TSEN15: variants seen among roughly 807,000 people sequenced by gnomAD.
The protein encoded by TSEN15 is tRNA splicing endonuclease subunit 15.
A neutral mutation model predicts 20.5 loss-of-function variants in TSEN15; 10 were observed. The ratio of observed to expected loss-of-function variants is 0.49; its 90% CI spans 0.30 to 0.83. The LOEUF (loss-of-function observed/expected upper bound fraction) is 0.83, where lower values mean the gene tolerates loss of function less well. Ranked by LOEUF, TSEN15 falls within the 40% of genes least tolerant of loss-of-function variation. TSEN15 has a pLI of 0.06. For synonymous variants in TSEN15, 72 were observed against 80.1 expected (o/e 0.90, Z 0.54); for missense variants, 180 against 218.6 (o/e 0.82, Z 1.11).
intron 3 of TSEN15, among the ~76,000 whole-genome samples, chr1:184,081,841 C>G (rs542412101): frequency 6.6e-6 from 1 of 152,202 alleles, no homozygotes; most frequent in African/African-American, 2.4e-5. Context: ...GAAAGAAGAT[C>G]TTGTATGGAT....
At chr1:184,088,011 C>T (rs559526496) in intron 3 of TSEN15, among the ~76,000 whole-genome samples, 3 of 152,176 alleles carry the variant, frequency 2.0e-5, no homozygotes, top group South Asian at 2.1e-4. Context: ...CACAAGGCTT[C>T]GTAATTTTAT....
chr1:184,090,460 T>C (rs546555182), intron 3 of TSEN15, among the ~76,000 whole-genome samples: 1 of 152,346 alleles, frequency 6.6e-6, no homozygotes, highest in South Asian at 2.1e-4. Flanking sequence ...GTGCATATTC[T>C]TTCATGTAAA....
chr1:184,072,439 G>A, intron 4 of TSEN15, 141 bp downstream of exon 4: 1 of 807,700 alleles, frequency 1.2e-6, no homozygotes, highest in South Asian at 2.5e-5. Flanking sequence ...TTGATTTTCA[G>A]ACGTCAGAAA....
At chr1:184,092,414 A>G (rs1651376749) in intron 3 of TSEN15, among the ~76,000 whole-genome samples, 1 of 152,222 alleles carries the variant, frequency 6.6e-6, no homozygotes, top group South Asian at 2.1e-4. Context: ...AACTTAGTAG[A>G]AAAGAGAAAA....
chr1:184,062,457 G>A (rs568088366), intron 3 of TSEN15, among the ~76,000 whole-genome samples: 2 of 152,188 alleles, frequency 1.3e-5, no homozygotes, highest in East Asian at 3.9e-4. Flanking sequence ...ACTAAAACTA[G>A]TGACCTATCT....
intron 3 of TSEN15, among the ~76,000 whole-genome samples, chr1:184,057,414 G>A (rs1331337363): frequency 6.6e-6 from 1 of 152,092 alleles, no homozygotes; most frequent in East Asian, 1.9e-4. Context: ...CATGAATACC[G>A]TTGATGAATA....
chr1:184,071,243 T>C (rs1650871782), intron 3 of TSEN15: 1 of 151,986 alleles, frequency 6.6e-6, no homozygotes, highest in Non-Finnish European at 1.5e-5. Context: ...CGTTAAGAAG[T>C]AACTTATATG....
At chr1:184,081,821 C>G (rs1651174239) in intron 3 of TSEN15, among the ~76,000 whole-genome samples, 1 of 152,102 alleles carries the variant, frequency 6.6e-6, no homozygotes, top group Admixed American at 6.6e-5. Flanking sequence ...GGCTCGGGTT[C>G]TGGAGATCAG....
intron 3 of TSEN15, among the ~76,000 whole-genome samples, chr1:184,057,881 G>A (rs184971031): frequency 1.5e-4 from 23 of 151,982 alleles, no homozygotes; most frequent in Non-Finnish European, 2.9e-4. Context: ...AGTACTTTCC[G>A]GTTTTTACTA....
Position 184,051,802 on chromosome 1 carries a change from T to A in TSEN15, c.47T>A (p.Leu16Gln). Residue 16 changes from leucine (L) to glutamine (Q), a missense_variant, in exon 1 of 5, where the codon CTG becomes CAG. Physicochemically the swap from Leu to Gln is moderately radical, Grantham distance 113 (BLOSUM62 -2). Around this residue, in one of 3 missense-constraint regions of TSEN15, gnomAD observed 76 missense variants for 66.5 expected, o/e 1.14. Coordinates refer to ENST00000645668, the MANE Select transcript of TSEN15 (RefSeq NM_052965.4). ...DSEPTPGCSG[L>Q]GPGGVRGFGD... The stretch of plus-strand genomic sequence containing the variant: ...GAGCCGACCCCCGGCTGCAGCGGCC[T>A]GGGTCCGGGCGGTGTTCGCGGCTTT... The A allele has an allele frequency of 6.5e-7, 1 of 1,532,370 alleles. No individual in the cohort carries two copies. The highest frequency in any genetic ancestry group is 8.8e-7 in the Non-Finnish European group (1 of 1,139,882). 94.9% of individuals were successfully genotyped at this position (1,532,370 alleles called of 1,614,324 possible).
At chr1:184,064,875 C>T (rs1310488207) in intron 3 of TSEN15, among the ~76,000 whole-genome samples, 1 of 152,128 alleles carries the variant, frequency 6.6e-6, no homozygotes, top group African/African-American at 2.4e-5. Flanking sequence ...GAGCTTTTCT[C>T]TTCATTATAC....
chr1:184,075,001 C>T (rs1000131615), downstream of TSEN15, among the ~76,000 whole-genome samples: 8 of 151,956 alleles, frequency 5.3e-5, no homozygotes, highest in Non-Finnish European at 8.8e-5. Context: ...TTAAGTCTCT[C>T]GTTTGATTCA....
intron 3 of TSEN15, among the ~76,000 whole-genome samples, chr1:184,057,888 A>G (rs1650305364): frequency 6.6e-6 from 1 of 152,056 alleles, no homozygotes; most frequent in Admixed American, 6.5e-5. Context: ...TCCGGTTTTT[A>G]CTAGCATGAT....
intron 4 of TSEN15, 119 bp from the exon 5 acceptor site, chr1:184,072,708 A>T (rs996905720): frequency 1.2e-6 from 1 of 819,374 alleles, no homozygotes; most frequent in Non-Finnish European, 2.0e-6. Flanking sequence ...GCTATATGTG[A>T]TTTCTTTACA....
At chr1:184,094,023 G>A (rs886151071) in intron 3 of TSEN15, 1 of 152,058 alleles carries the variant, frequency 6.6e-6, no homozygotes, top group Non-Finnish European at 1.5e-5. Context: ...TGCATTCTGA[G>A]TTGCAAAACT....
intron 3 of TSEN15, among the ~76,000 whole-genome samples, chr1:184,066,737 T>C (rs1650678144): frequency 2.6e-5 from 4 of 152,172 alleles, no homozygotes; most frequent in Admixed American, 2.6e-4. Context: ...ATAAAATCAG[T>C]CCTCTCACTT....
chr1:184,095,805 T>A (rs189583006), exon 4 of TSEN15: 1 of 398,522 alleles, frequency 2.5e-6, no homozygotes, highest in Non-Finnish European at 4.4e-6. Context: ...GGATTTCTAG[T>A]GTCCAGAACT....
intron 3 of TSEN15, among the ~76,000 whole-genome samples, chr1:184,060,084 G>A (rs1253678890): frequency 6.6e-6 from 1 of 152,220 alleles, no homozygotes; most frequent in Non-Finnish European, 1.5e-5. Flanking sequence ...GCAACTCACA[G>A]AAGAGGAACT....
chr1:184,052,133 C>T (rs541435473), intron 1 of TSEN15, among the ~76,000 whole-genome samples: 56 of 152,298 alleles, frequency 3.7e-4, no homozygotes, highest in South Asian at 2.5e-3. Flanking sequence ...ACAGTAACTC[C>T]GCCCCTCTCA....
Sources: allele counts gnomAD v4.1 joint callset (sites outside exome capture counted in the v4.1 genomes callset), GRCh38; gene constraint gnomAD v4.1.1; regional missense constraint gnomAD v4.1.1; transcripts MANE v1.5; gene names NCBI Gene and HGNC (gene_info 2026-07-23, HGNC 2026-07-21).